Variants in KCNN2 observed in about 807,000 individuals in gnomAD.
The protein encoded by KCNN2 is potassium calcium-activated channel subfamily N member 2.
KCNN2 carries 24 observed loss-of-function variants against 55.5 expected under a neutral mutation model. That is an observed-to-expected ratio of 0.43 (90% CI 0.31 to 0.61). The LOEUF (loss-of-function observed/expected upper bound fraction) is 0.61, where lower values mean the gene tolerates loss of function less well. Among genes scored for constraint, KCNN2 ranks in the 20% least tolerant of loss-of-function variants. The pLI is 0.08. For synonymous variants in KCNN2, 431 were observed against 336.1 expected, an observed-to-expected ratio of 1.28 and a Z score of -3.09; for missense variants, 754 against 853.6, an observed-to-expected ratio of 0.88 and a Z score of 1.45.
chr5:114,424,063 G>A (rs1044191151), intron 3 of KCNN2, among the ~76,000 whole-genome samples: 2 of 152,168 alleles, frequency 1.3e-5, no homozygotes, highest in Non-Finnish European at 2.9e-5. Context: ...CCATAGGTAT[G>A]TTCCCAAATT....
At chr5:114,127,867 C>T (rs1751971443) in intron 1 of KCNN2, among the ~76,000 whole-genome samples, 1 of 152,166 alleles carries the variant, frequency 6.6e-6, no homozygotes, top group Admixed American at 6.5e-5. Context: ...AGGGCAGGGG[C>T]AAAAATGCCT....
At chr5:114,127,736 C>G (rs1751968756) in intron 1 of KCNN2, among the ~76,000 whole-genome samples, 3 of 152,210 alleles carry the variant, frequency 2.0e-5, no homozygotes, top group South Asian at 4.1e-4. Flanking sequence ...ATTGCCTCAT[C>G]AGGCTGCAAT....
chr5:114,100,970 A>C (rs1192226041), intron 1 of KCNN2, among the ~76,000 whole-genome samples: 1 of 150,748 alleles, frequency 6.6e-6, no homozygotes, highest in African/African-American at 2.4e-5. Context: ...TCTTTTCAAA[A>C]TATTTATATA....
At chr5:114,364,909 T>G (rs942073453) in intron 2 of KCNN2, among the ~76,000 whole-genome samples, 1 of 151,902 alleles carries the variant, frequency 6.6e-6, no homozygotes, top group Non-Finnish European at 1.5e-5. Context: ...TTTTTTTTTC[T>G]TTTTTGAGCA....
chr5:114,193,483 T>C (rs570004438), intron 1 of KCNN2, among the ~76,000 whole-genome samples: 1 of 152,258 alleles, frequency 6.6e-6, no homozygotes, highest in African/African-American at 2.4e-5. Context: ...ATAATAGTGT[T>C]CCAACATAAC....
intron 1 of KCNN2, among the ~76,000 whole-genome samples, chr5:114,145,267 C>T (rs894612925): frequency 6.6e-6 from 1 of 152,142 alleles, no homozygotes; most frequent in Non-Finnish European, 1.5e-5. Flanking sequence ...GTAATATGAC[C>T]TTTAGGAGCC....
At chr5:114,252,854 G>A (rs1432317667) in intron 2 of KCNN2, among the ~76,000 whole-genome samples, 1 of 152,004 alleles carries the variant, frequency 6.6e-6, no homozygotes, top group Non-Finnish European at 1.5e-5. Flanking sequence ...AAGGAGAGAC[G>A]AGGACTGAAA....
rs117007714 is a variant in KCNN2, at chr5:114,062,458, C to T, written c.-271+5958C>T. On this transcript the variant is annotated intron_variant, in intron 1 of 10. Coordinates refer to the KCNN2 transcript ENST00000512097. ...AAATAGGTTTACTGATCATTTTCTT[C>T]GACTTTAAATATGAGGTTTGTGAAA... Among the ~76,000 whole-genome samples the T allele has an allele frequency of 9.2e-5, 14 of 152,200 alleles. No homozygotes were observed. In the East Asian group the frequency reaches 1.5e-3, roughly 17 times the overall value.
At chr5:114,165,413 A>G (rs1752888157) in intron 1 of KCNN2, among the ~76,000 whole-genome samples, 1 of 152,182 alleles carries the variant, frequency 6.6e-6, no homozygotes, top group African/African-American at 2.4e-5. Context: ...ATTAAAATTT[A>G]TTTATGATCT....
At chr5:114,406,008 C>T (rs558280028) in intron 3 of KCNN2, among the ~76,000 whole-genome samples, 2 of 151,358 alleles carry the variant, frequency 1.3e-5, no homozygotes, top group South Asian at 4.2e-4. Context: ...CCGCACCAGG[C>T]CGAATATTTT....
intron 2 of KCNN2, among the ~76,000 whole-genome samples, chr5:114,229,371 A>G (rs1044044994): frequency 6.6e-6 from 1 of 151,746 alleles, no homozygotes; most frequent in African/African-American, 2.4e-5. Flanking sequence ...TACAATAATT[A>G]TATCTCCCCT....
At chr5:114,269,284 C>T (rs1037342823) in intron 2 of KCNN2, among the ~76,000 whole-genome samples, 3 of 152,176 alleles carry the variant, frequency 2.0e-5, no homozygotes, top group Admixed American at 6.5e-5. Context: ...CACATAACCA[C>T]ATAAGCTACC....
chr5:114,183,862 G>A (rs1330244877), intron 1 of KCNN2, among the ~76,000 whole-genome samples: 1 of 150,498 alleles, frequency 6.6e-6, no homozygotes, highest in African/African-American at 2.4e-5. Flanking sequence ...TTTTCTGATT[G>A]TTGCTGTTTT....
chr5:114,164,876 A>C lies in KCNN2; in HGVS notation c.-270-56604A>C, dbSNP rs552476925. On this transcript the variant is annotated intron_variant, in intron 1 of 10. Coordinates refer to the KCNN2 transcript ENST00000512097. ...ACCGTTTCTATTACTAATCGTAGTTAGCACTTATTGAGTGCTTATATGCCA... is the reference window on the plus strand; with the variant it reads ...ACCGTTTCTATTACTAATCGTAGTTCGCACTTATTGAGTGCTTATATGCCA... 1.6e-4 allele frequency among the ~76,000 whole-genome samples: 25 copies of C among 152,328 alleles called. No homozygotes were observed. The East Asian group carries it at 4.8e-3, about 29-fold the overall frequency.
At chr5:114,423,145 G>A (rs1759518423) in intron 3 of KCNN2, among the ~76,000 whole-genome samples, 1 of 152,166 alleles carries the variant, frequency 6.6e-6, no homozygotes. Context: ...CTCCTTGAGG[G>A]CAGGGATGAT....
intron 1 of KCNN2, among the ~76,000 whole-genome samples, chr5:114,143,836 C>T (rs1379423063): frequency 6.6e-6 from 1 of 152,198 alleles, no homozygotes; most frequent in African/African-American, 2.4e-5. Context: ...TACATCTCCC[C>T]CTTTTCTCTG....
At chr5:114,063,501 C>G (rs543235712) in intron 1 of KCNN2, among the ~76,000 whole-genome samples, 4 of 152,174 alleles carry the variant, frequency 2.6e-5, no homozygotes, top group Non-Finnish European at 4.4e-5. Context: ...AGAACCACCC[C>G]CCCTCCAAAT....
At chr5:114,288,527 C>CACAG (rs1183585057) in intron 2 of KCNN2, among the ~76,000 whole-genome samples, 1 of 151,478 alleles carries the variant, frequency 6.6e-6, no homozygotes, top group African/African-American at 2.4e-5. Context: ...CACACACACA[C>CACAG]ACATACACAT....
intron 2 of KCNN2, among the ~76,000 whole-genome samples, chr5:114,269,403 G>T (rs1268611681): frequency 1.3e-5 from 2 of 151,950 alleles, no homozygotes; most frequent in Non-Finnish European, 2.9e-5. Flanking sequence ...TTCCTGAAAT[G>T]AACATAGGTA....
Sources: allele counts gnomAD v4.1 joint callset (sites outside exome capture counted in the v4.1 genomes callset), GRCh38; gene constraint gnomAD v4.1.1; transcripts MANE v1.5; gene names NCBI Gene and HGNC (gene_info 2026-07-23, HGNC 2026-07-21).